ALKBH3: variants seen among roughly 807,000 people sequenced by gnomAD.
ALKBH3 encodes alpha-ketoglutarate-dependent dioxygenase alkB homolog 3.
In ALKBH3, 51 loss-of-function variants were observed where a neutral mutation model predicts 43.9. That is an observed-to-expected ratio of 1.16 (90% confidence interval 0.93 to 1.47). ALKBH3 has a LOEUF of 1.47. Ranked by LOEUF, ALKBH3 falls within the 40% of genes most tolerant of loss-of-function variation. The probability of loss-of-function intolerance (pLI) is 0.00; values close to 1 mark genes in which losing one functional copy is unlikely to be tolerated. For synonymous variants in ALKBH3, 102 were observed against 115.2 expected (o/e 0.89, Z 0.73); for missense variants, 361 against 351.9 (o/e 1.03, Z -0.21).
chr11:43,915,117 A>G (rs1951973223), intron 8 of ALKBH3, among the ~76,000 whole-genome samples: 1 of 151,984 alleles, frequency 6.6e-6, no homozygotes, highest in Non-Finnish European at 1.5e-5. Context: ...CTGAGGCACA[A>G]GAATCGCTTG....
At chr11:43,903,991 G>C (rs1301387421) in intron 8 of ALKBH3, among the ~76,000 whole-genome samples, 7 of 152,174 alleles carry the variant, frequency 4.6e-5, no homozygotes, top group African/African-American at 1.7e-4. Context: ...TTATGTTATA[G>C]GGTAACATGT....
intron 7 of ALKBH3, chr11:43,897,727 G>A (rs745864562): frequency 1.4e-5 from 11 of 803,512 alleles, no homozygotes; most frequent in East Asian, 7.3e-5. Context: ...TCTCGGGAAC[G>A]TACTTTGCAC....
Position 43,919,094 on chromosome 11 carries a change from G to C in ALKBH3, c.726G>C (p.Gly242=), listed in dbSNP as rs1048928. ...GAGTGAAGATACCCTTGGATCATGG[G>C]ACCTTGTTAATCATGGAAGGAGCGA... ...VERVKIPLDH[G]TLLIMEGATQ... is the part of the protein sequence containing the mutation. Residue 242 remains glycine, a synonymous_variant, in exon 9 of 10, where the codon GGG becomes GGC. Transcript: ENST00000302708. 4 of 1,612,968 alleles carry C rather than the reference G, an allele frequency of 2.5e-6. No individual in the cohort carries two copies. Among genetic ancestry groups the C allele is most frequent in the Non-Finnish European group, 3.4e-6 (4 of 1,179,168 alleles).
chr11:43,885,892 A>G (rs921379333), intron 4 of ALKBH3, among the ~76,000 whole-genome samples: 1 of 152,192 alleles, frequency 6.6e-6, no homozygotes, highest in Non-Finnish European at 1.5e-5. Flanking sequence ...GGTCAGGAAA[A>G]GTTTAAAGGC....
At position 43,920,153 on chromosome 11, in the gene ALKBH3, T is replaced by A; in HGVS notation, c.*143T>A. On this transcript the variant is annotated 3_prime_UTR_variant, in exon 10 of 10. Coordinates refer to ENST00000302708, the MANE Select transcript of ALKBH3 (RefSeq NM_139178.4). ...TTTGTTTGCCAGCTTGGAGTCCTATTAAATGAAAGCCAGCAACTCATGTTG... is the reference window on the plus strand; with the variant it reads ...TTTGTTTGCCAGCTTGGAGTCCTATAAAATGAAAGCCAGCAACTCATGTTG... 1.4e-6 allele frequency: 1 copy of A among 701,764 alleles called. No homozygotes were observed. The highest frequency in any genetic ancestry group is 2.4e-6 in the Non-Finnish European group (1 of 419,728). 43.5% of individuals were successfully genotyped at this position (701,764 alleles called of 1,614,324 possible).
chr11:43,889,687 C>G (rs762961303), intron 5 of ALKBH3, 38 bp from the exon 6 acceptor site: 24 of 1,560,126 alleles, frequency 1.5e-5, no homozygotes, highest in Admixed American at 6.7e-5. Context: ...CTTATCTTTT[C>G]CATGTTTTTT....
Position 43,915,695 on chromosome 11 carries a change from C to A in ALKBH3, c.670-3343C>A, listed in dbSNP as rs912317122. 2.0e-5 allele frequency among the ~76,000 whole-genome samples: 3 copies of A among 152,084 alleles called. No individual in the cohort carries two copies. The East Asian group carries it at 5.8e-4, about 29-fold the overall frequency. On this transcript the variant is annotated intron_variant, in intron 8 of 9. Transcript: ENST00000302708. ...TTCATACAAAGGAATATTCTATAAC[C>A]ATATTTTTGAAATGTATATTTAAAG...
chr11:43,889,247 A>AC (rs1156572707), intron 5 of ALKBH3, among the ~76,000 whole-genome samples: 17 of 151,680 alleles, frequency 1.1e-4, no homozygotes, highest in Admixed American at 1.1e-3. Context: ...CTGGTCTCGA[A>AC]CTCCTGACCT....
At chr11:43,918,150 G>C (rs545582048) in intron 8 of ALKBH3, among the ~76,000 whole-genome samples, 5 of 152,210 alleles carry the variant, frequency 3.3e-5, no homozygotes, top group Non-Finnish European at 7.3e-5. Context: ...AGGAAGCTCA[G>C]ATCTGTCCCA....
intron 7 of ALKBH3, among the ~76,000 whole-genome samples, chr11:43,900,473 C>T (rs1434027179): frequency 2.0e-5 from 3 of 152,132 alleles, no homozygotes; most frequent in East Asian, 1.9e-4. Context: ...CCACCCGCCT[C>T]GGCCTCCCAA....
chr11:43,895,266 C>G (rs181342718), intron 7 of ALKBH3, among the ~76,000 whole-genome samples: 2 of 152,160 alleles, frequency 1.3e-5, no homozygotes, highest in Non-Finnish European at 2.9e-5. Context: ...TAATAATCCC[C>G]GTGTATCAAG....
intron 5 of ALKBH3, among the ~76,000 whole-genome samples, chr11:43,889,352 A>G (rs569034937): frequency 3.9e-5 from 6 of 152,218 alleles, no homozygotes; most frequent in African/African-American, 1.4e-4. Context: ...CTTCACAGTG[A>G]ATCTATGAGG....
At chr11:43,906,030 T>G (rs1951893749) in intron 8 of ALKBH3, among the ~76,000 whole-genome samples, 1 of 152,214 alleles carries the variant, frequency 6.6e-6, no homozygotes. Flanking sequence ...GCAAATTACC[T>G]CTGGATAAAC....
rs967679119 is a variant in ALKBH3, at chr11:43,919,945, A to G, written c.796A>G (p.Arg266Gly). 2 of 1,614,068 alleles carry G rather than the reference A, an allele frequency of 1.2e-6. No individual in the cohort carries two copies. The highest frequency in any genetic ancestry group is 1.7e-6 in the Non-Finnish European group (2 of 1,179,988). Reference sequence around the variant, plus strand: ...TCGAGTGCCCAAAGAATACCACTCTAGAGAACCGAGAGTGAACCTGACCTT... The same window carrying G: ...TCGAGTGCCCAAAGAATACCACTCTGGAGAACCGAGAGTGAACCTGACCTT... ...QHRVPKEYHS[R>G]EPRVNLTFRT... Residue 266 changes from arginine to glycine, a missense_variant, in exon 10 of 10, where the codon AGA becomes GGA. Coordinates refer to ENST00000302708, the MANE Select transcript of ALKBH3 (RefSeq NM_139178.4).
At chr11:43,912,362 T>G (rs949195969) in intron 8 of ALKBH3, 3 of 152,232 alleles carry the variant, frequency 2.0e-5, no homozygotes, top group African/African-American at 4.8e-5. Flanking sequence ...TCTCTTTGCT[T>G]TCCCCGAGGC....
At chr11:43,918,940 C>A in intron 8 of ALKBH3, 98 bp from the exon 9 acceptor site, 1 of 915,336 alleles carries the variant, frequency 1.1e-6, no homozygotes, top group Non-Finnish European at 1.7e-6. Context: ...CACAGTCTGG[C>A]TGAGCAGAGG....
chr11:43,896,639 C>T (rs568920477), intron 7 of ALKBH3, among the ~76,000 whole-genome samples: 1 of 152,332 alleles, frequency 6.6e-6, no homozygotes, highest in South Asian at 2.1e-4. Flanking sequence ...CACCCAGGAT[C>T]AATACTTTGT....
At chr11:43,888,735 G>A (rs1174614307) in intron 5 of ALKBH3, among the ~76,000 whole-genome samples, 1 of 152,172 alleles carries the variant, frequency 6.6e-6, no homozygotes, top group Non-Finnish European at 1.5e-5. Context: ...GTAAGCTTTG[G>A]CTCTTTCACA....
intron 7 of ALKBH3, chr11:43,899,358 G>A: frequency 1.4e-6 from 1 of 698,446 alleles, no homozygotes; most frequent in Non-Finnish European, 2.7e-6. Context: ...ACCATCAGCA[G>A]CCTGCCCCAG....
Sources: allele counts gnomAD v4.1 joint callset (sites outside exome capture counted in the v4.1 genomes callset), GRCh38; gene constraint gnomAD v4.1.1; transcripts MANE v1.5; gene names NCBI Gene and HGNC (gene_info 2026-07-23, HGNC 2026-07-21).